Variants in RERE observed in about 807,000 individuals in gnomAD.
RERE encodes the protein arginine-glutamic acid dipeptide repeats protein.
RERE carries 40 observed loss-of-function variants against 146.1 expected under a neutral mutation model. The observed-to-expected ratio is 0.27, with a 90% CI of 0.21 to 0.36. RERE has a LOEUF of 0.36. Ranked by LOEUF, RERE falls within the 10% of genes least tolerant of loss-of-function variation. RERE has a pLI of 1.00. For missense variants in RERE, 1,933 were observed against 2,138.7 expected (o/e 0.90, Z 1.90); for synonymous variants, 1,003 against 866.0 (o/e 1.16, Z -2.78).
intron 4 of RERE, among the ~76,000 whole-genome samples, chr1:8,564,870 G>GTGTGTGTGTGTGTGTGTGTATA (rs1269710840): frequency 7.9e-6 from 1 of 127,340 alleles, no homozygotes; most frequent in Non-Finnish European, 1.6e-5. Flanking sequence ...GTGTGTGTGT[G>GTGTGTGTGTGTGTGTGTGTATA]TATATATATA....
At chr1:8,748,175 T>C (rs1557519014) in intron 1 of RERE, among the ~76,000 whole-genome samples, 1 of 152,194 alleles carries the variant, frequency 6.6e-6, no homozygotes, top group Admixed American at 6.5e-5. Flanking sequence ...TATTTACCTC[T>C]ACCATTTTAC....
rs182688446 is a variant in RERE at position 8,392,828 on chromosome 1, C to T, written c.1285-26854G>A. ...GGGATGTTTGCGAGCAAAGTTTCAG[C>T]TCTTCGTGAAGCAGCCCTCTGACCA... On this transcript the variant is annotated intron_variant, in intron 12 of 22. Coordinates refer to ENST00000400908, the MANE Select transcript of RERE (RefSeq NM_001042681.2). 4.0e-3 allele frequency among the ~76,000 whole-genome samples: 605 copies of T among 152,312 alleles called. 2 individuals carry two copies. Among genetic ancestry groups the T allele is most frequent in the Non-Finnish European group, 7.3e-3 (498 of 68,030 alleles).
chr1:8,382,586 G>C (rs2124409468), intron 12 of RERE, among the ~76,000 whole-genome samples: 1 of 152,308 alleles, frequency 6.6e-6, no homozygotes, highest in East Asian at 1.9e-4. Flanking sequence ...CCTATGAACG[G>C]AACATAACAG....
intron 12 of RERE, among the ~76,000 whole-genome samples, chr1:8,389,790 C>T (rs936652259): frequency 1.3e-5 from 2 of 152,196 alleles, no homozygotes; most frequent in African/African-American, 2.4e-5. Context: ...GCTAAGTGCA[C>T]GTTGTTTTGT....
rs1047105575 is a variant in RERE, at chr1:8,750,692, T to C, written c.-145+66468A>G. The C allele has an allele frequency of 1.4e-5, 12 of 837,184 alleles. 1 individual carries two copies. The highest frequency in any genetic ancestry group is 7.9e-5 in the South Asian group (6 of 75,922). The allele number at this position is 837,184 out of a possible 1,614,324, so 51.9% of individuals were successfully genotyped here. On this transcript the variant is annotated intron_variant, in intron 1 of 22. Coordinates refer to ENST00000400908, the MANE Select transcript of RERE (RefSeq NM_001042681.2). ...CTTCTGTGTACCTGCAGAACCCAAA[T>C]TGGCCTTTGTCATCAGGACCAGAGG...
intron 1 of RERE, among the ~76,000 whole-genome samples, chr1:8,776,363 T>C (rs1292444237): frequency 6.6e-6 from 1 of 152,210 alleles, no homozygotes; most frequent in Non-Finnish European, 1.5e-5. Flanking sequence ...GGTGGTGTGA[T>C]ACTGGCTCGT....
chr1:8,537,049 A>T (rs1463049), intron 7 of RERE, among the ~76,000 whole-genome samples: 93,362 of 151,710 alleles, frequency 0.62, 29,118 homozygotes, highest in East Asian at 0.84. Flanking sequence ...CAAAAAATTT[A>T]AAAAATGAGC....
At chr1:8,359,716 C>A (rs549353543) in intron 19 of RERE, 48 bp downstream of exon 19, 2 of 1,584,212 alleles carry the variant, frequency 1.3e-6, no homozygotes, top group African/African-American at 2.7e-5. Context: ...CTCCCAGGCG[C>A]AGGATGGACC....
At chr1:8,759,876 C>A (rs958585812) in intron 1 of RERE, among the ~76,000 whole-genome samples, 5 of 150,692 alleles carry the variant, frequency 3.3e-5, no homozygotes, top group East Asian at 1.9e-4. Flanking sequence ...CACACACACA[C>A]AATATGTCTT....
chr1:8,443,402 C>A (rs1286669683), intron 11 of RERE, among the ~76,000 whole-genome samples: 1 of 134,424 alleles, frequency 7.4e-6, no homozygotes, highest in Admixed American at 8.7e-5. Context: ...GCAGAGGTTG[C>A]AGTGAGCACC....
chr1:8,688,603 C>A (rs1343377861), intron 1 of RERE, among the ~76,000 whole-genome samples: 1 of 151,960 alleles, frequency 6.6e-6, no homozygotes, highest in Non-Finnish European at 1.5e-5. Context: ...ATTAGCCAGG[C>A]ATAGTGGCAC....
chr1:8,804,360 G>C (rs897918049), intron 1 of RERE, among the ~76,000 whole-genome samples: 2 of 152,120 alleles, frequency 1.3e-5, no homozygotes, highest in African/African-American at 4.8e-5. Flanking sequence ...CTGGAGGTGG[G>C]GGGTTATTCT....
chr1:8,719,564 T>C (rs747702084), intron 1 of RERE, among the ~76,000 whole-genome samples: 7 of 152,092 alleles, frequency 4.6e-5, no homozygotes, highest in East Asian at 1.9e-4. Context: ...AACATAAACA[T>C]AGAGGAACAA....
At chr1:8,575,491 G>GT (rs1646280217) in intron 4 of RERE, among the ~76,000 whole-genome samples, 1 of 141,644 alleles carries the variant, frequency 7.1e-6, no homozygotes, top group Non-Finnish European at 1.5e-5. Context: ...AGACTCCCAA[G>GT]TAGCTAGGAC....
intron 2 of RERE, among the ~76,000 whole-genome samples, chr1:8,635,511 T>G (rs943871457): frequency 6.6e-6 from 1 of 152,222 alleles, no homozygotes; most frequent in African/African-American, 2.4e-5. Context: ...CACAACAGAC[T>G]TCGTTCAACA....
intron 1 of RERE, among the ~76,000 whole-genome samples, chr1:8,676,324 G>A (rs993514115): frequency 6.6e-6 from 1 of 152,076 alleles, no homozygotes; most frequent in African/African-American, 2.4e-5. Flanking sequence ...TGGGGTTTCA[G>A]AAAAGTAATC....
chr1:8,702,741 T>C (rs1020025954), intron 1 of RERE, among the ~76,000 whole-genome samples: 8 of 152,182 alleles, frequency 5.3e-5, no homozygotes, highest in African/African-American at 1.7e-4. Flanking sequence ...TATATACATA[T>C]ACATGTATTT....
At chr1:8,654,203 A>AT (rs970064042) in intron 2 of RERE, among the ~76,000 whole-genome samples, 2 of 151,558 alleles carry the variant, frequency 1.3e-5, no homozygotes, top group Admixed American at 1.3e-4. Context: ...CTCCCAGCTA[A>AT]TTTTTTACTG....
chr1:8,569,389 A>G (rs1334278693), intron 4 of RERE, among the ~76,000 whole-genome samples: 1 of 152,194 alleles, frequency 6.6e-6, no homozygotes, highest in Non-Finnish European at 1.5e-5. Flanking sequence ...CTTCTTACAC[A>G]TGACATAGCC....
Sources: gnomAD v4.1 joint callset for allele counts (sites outside exome capture counted in the v4.1 genomes callset) on GRCh38, gnomAD v4.1.1 for gene constraint, MANE v1.5 for transcripts, NCBI Gene and HGNC (gene_info 2026-07-23, HGNC 2026-07-21) for gene names.